The following TFCP2L1 variants were observed in gnomAD, a reference collection of about 807,000 sequenced individuals.
TFCP2L1 encodes the protein transcription factor CP2 like 1, also known as transcription factor CP2-like protein 1.
In TFCP2L1, 12 loss-of-function variants were observed where a neutral mutation model predicts 72.2. That is an observed-to-expected ratio of 0.17 (90% CI 0.11 to 0.27). The LOEUF (loss-of-function observed/expected upper bound fraction) is 0.27. TFCP2L1 is among the 10% of genes least tolerant of loss of function. TFCP2L1 has a pLI of 1.00. For synonymous variants in TFCP2L1, 260 were observed against 251.0 expected, an observed-to-expected ratio of 1.04 and a Z score of -0.34; for missense variants, 488 against 624.6, an observed-to-expected ratio of 0.78 and a Z score of 2.33.
chr2:121,253,707 C>T (rs1231975452), intron 2 of TFCP2L1, among the ~76,000 whole-genome samples: 1 of 152,208 alleles, frequency 6.6e-6, no homozygotes, highest in African/African-American at 2.4e-5. Flanking sequence ...AGCCCTTGAA[C>T]AAAGGGTAAA....
At chr2:121,228,763 C>T (rs1237307777) in intron 13 of TFCP2L1, among the ~76,000 whole-genome samples, 1 of 97,156 alleles carries the variant, frequency 1.0e-5, no homozygotes, top group South Asian at 3.8e-4. Context: ...AGAGTGAAAC[C>T]GTGACTCACA....
intron 14 of TFCP2L1, among the ~76,000 whole-genome samples, chr2:121,225,235 TC>T (rs1686004936): frequency 1.3e-5 from 2 of 151,980 alleles, no homozygotes; most frequent in Admixed American, 1.3e-4. Context: ...TCATCCCCCA[TC>T]CCGACCCACG....
Position 121,225,135 on chromosome 2 carries a change from A to G in TFCP2L1, c.1393+427T>C, listed in dbSNP as rs111259964. Among the ~76,000 whole-genome samples, 687 of 152,218 alleles carry G rather than the reference A, an allele frequency of 4.5e-3. 8 individuals carry two copies. The highest frequency in any genetic ancestry group is 0.015 in the African/African-American group (617 of 41,528). ...CCAACCCTTAGGAAGGCCACAGCAG[A>G]TCTTTCTCTACCTTTTATGAATAAA... On this transcript the variant is annotated intron_variant, in intron 14 of 14. Transcript: ENST00000263707.
chr2:121,266,487 A>G (rs1469907511), intron 2 of TFCP2L1, among the ~76,000 whole-genome samples: 1 of 152,194 alleles, frequency 6.6e-6, no homozygotes, highest in East Asian at 1.9e-4. Context: ...CTCCAGCCCC[A>G]CTGATGGTCT....
rs114799311 is a variant in TFCP2L1 at position 121,257,860 on chromosome 2, T to G, written c.215-8213A>C. 8.6e-3 allele frequency among the ~76,000 whole-genome samples: 1,281 copies of G among 148,352 alleles called. 19 individuals are homozygous for G. Among genetic ancestry groups the G allele is most frequent in the African/African-American group, 0.032 (1,203 of 38,104 alleles). On this transcript the variant is annotated intron_variant, in intron 2 of 14. Coordinates refer to ENST00000263707, the MANE Select transcript of TFCP2L1 (RefSeq NM_014553.3). Reference sequence around the variant, plus strand: ...CAACTGCTTTCGGCGCTTTGCAACTTTGCCCACCCCTCCCTCCTTGAATGA... The same window carrying G: ...CAACTGCTTTCGGCGCTTTGCAACTGTGCCCACCCCTCCCTCCTTGAATGA...
At chr2:121,275,568 CTT>C (rs931104631) in intron 2 of TFCP2L1, among the ~76,000 whole-genome samples, 28 of 121,738 alleles carry the variant, frequency 2.3e-4, no homozygotes, top group Non-Finnish European at 2.4e-4. Context: ...AGAAGTAAGT[CTT>C]TTTTTTTTTT....
chr2:121,264,678 G>A (rs143344151), intron 2 of TFCP2L1, among the ~76,000 whole-genome samples: 123 of 152,324 alleles, frequency 8.1e-4, no homozygotes, highest in African/African-American at 2.9e-3. Flanking sequence ...GGAACCGACT[G>A]AAGAGTCAAA....
chr2:121,253,176 T>C (rs1391890806), intron 2 of TFCP2L1, among the ~76,000 whole-genome samples: 1 of 152,176 alleles, frequency 6.6e-6, no homozygotes, highest in Non-Finnish European at 1.5e-5. Flanking sequence ...TCAGACTCCG[T>C]CTCAGCCATT....
intron 2 of TFCP2L1, among the ~76,000 whole-genome samples, chr2:121,253,750 A>C (rs1686657622): frequency 6.6e-6 from 1 of 152,196 alleles, no homozygotes; most frequent in Non-Finnish European, 1.5e-5. Flanking sequence ...CCAGGATCAC[A>C]GCTTCTCCTG....
At chr2:121,242,947 C>T (rs1686409202) in intron 6 of TFCP2L1, among the ~76,000 whole-genome samples, 1 of 152,208 alleles carries the variant, frequency 6.6e-6, no homozygotes, top group Non-Finnish European at 1.5e-5. Context: ...AGAGAGAGAG[C>T]CTGACAATCA....
At chr2:121,239,032 C>G (rs1352581014) in intron 8 of TFCP2L1, among the ~76,000 whole-genome samples, 1 of 152,120 alleles carries the variant, frequency 6.6e-6, no homozygotes, top group Admixed American at 6.5e-5. Context: ...CCACAACACT[C>G]AGGAGAGTGA....
chr2:121,224,397 A>T lies in TFCP2L1; in HGVS notation c.1394-10T>A. ...CCATCATTGCTCTCAGCTGCAAGAGAGAAACACTGGGTGTATTTCACAGGA... is the reference window on the plus strand; with the variant it reads ...CCATCATTGCTCTCAGCTGCAAGAGTGAAACACTGGGTGTATTTCACAGGA... On this transcript the variant is annotated splice_polypyrimidine_tract_variant and intron_variant, in intron 14 of 14. Transcript: ENST00000263707. 6.2e-7 allele frequency: 1 copy of T among 1,613,600 alleles called. No individual in the cohort carries two copies. The highest frequency in any genetic ancestry group is 1.3e-5 in the African/African-American group (1 of 75,028).
At chr2:121,253,774 G>A (rs567380812) in intron 2 of TFCP2L1, among the ~76,000 whole-genome samples, 2 of 152,272 alleles carry the variant, frequency 1.3e-5, no homozygotes, top group East Asian at 1.9e-4. Context: ...CAGGGATCAC[G>A]GCTGCAGGAG....
chr2:121,253,257 C>T (rs1267332289), intron 2 of TFCP2L1, among the ~76,000 whole-genome samples: 2 of 152,216 alleles, frequency 1.3e-5, no homozygotes, highest in East Asian at 1.9e-4. Flanking sequence ...CTCATGGTGA[C>T]GCGCTGGACG....
rs974038404 is a variant in TFCP2L1, at chr2:121,218,156, T to C, written c.*6185A>G. 1 of 152,220 alleles carries C rather than the reference T, an allele frequency of 6.6e-6. No individual in the cohort carries two copies. Among genetic ancestry groups the C allele is most frequent in the African/African-American group, 2.4e-5 (1 of 41,460 alleles). 9.4% of individuals were successfully genotyped at this position (152,220 alleles called of 1,614,324 possible). ...GGCTAGACGGTAAATATTTTGGGCT[T>C]TCAGAGCCAAGAGGCAAAATCAATA... On this transcript the variant is annotated 3_prime_UTR_variant, in exon 15 of 15. Transcript: ENST00000263707.
intron 1 of TFCP2L1, 45 bp from the exon 2 acceptor site, chr2:121,281,316 G>T: frequency 6.5e-7 from 1 of 1,540,272 alleles, no homozygotes; most frequent in Non-Finnish European, 8.7e-7. Context: ...GCCCCAGGGG[G>T]CTCCTGCACA....
chr2:121,232,522 T>A (rs1171560615), intron 12 of TFCP2L1, among the ~76,000 whole-genome samples: 1 of 152,124 alleles, frequency 6.6e-6, no homozygotes, highest in African/African-American at 2.4e-5. Context: ...CCCAGCCCAG[T>A]GACACCCAGA....
chr2:121,284,185 C>T (rs1415579207), intron 1 of TFCP2L1, among the ~76,000 whole-genome samples: 2 of 152,206 alleles, frequency 1.3e-5, no homozygotes, highest in Non-Finnish European at 2.9e-5. Context: ...ATTCATTTTC[C>T]TTGAGCCCAT....
chr2:121,237,901 T>C (rs1309489151), intron 8 of TFCP2L1, 51 bp from the exon 9 acceptor site: 4 of 1,601,922 alleles, frequency 2.5e-6, no homozygotes, highest in South Asian at 1.1e-5. Flanking sequence ...CCCAGGGCAA[T>C]GGCCACGGTC....
Sources: gnomAD v4.1 joint callset for allele counts (sites outside exome capture counted in the v4.1 genomes callset) on GRCh38, gnomAD v4.1.1 for gene constraint, MANE v1.5 for transcripts, NCBI Gene and HGNC (gene_info 2026-07-23, HGNC 2026-07-21) for gene names.